UNK: variants seen among roughly 807,000 people sequenced by gnomAD.
UNK encodes the protein RING finger protein unkempt homolog.
Under a neutral mutation model 97.6 loss-of-function variants are expected in UNK, and 32 were observed. That is an observed-to-expected ratio of 0.33 (90% CI 0.25 to 0.44). The LOEUF is 0.44. Ranked by LOEUF, UNK falls within the 20% of genes least tolerant of loss-of-function variation. The pLI is 1.00. For missense variants in UNK, 771 were observed against 1,098.4 expected (o/e 0.70, Z 4.21); for synonymous variants, 441 against 461.2 (o/e 0.96, Z 0.56).
At chr17:75,788,032 GA>G (rs2061729123) in intron 1 of UNK, among the ~76,000 whole-genome samples, 1 of 152,068 alleles carries the variant, frequency 6.6e-6, no homozygotes, top group Non-Finnish European at 1.5e-5. Context: ...GATTTTAAAT[GA>G]AAATTTGAGC....
In UNK at chr17:75,819,197, GGTGCCCGCTTT is replaced by G. The variant is rs1706651355; in HGVS notation, c.1546+387_1546+397del. ...TCCTTTCTTTCAGTACTCATTTCTA[GGTGCCCGCTTT>G]GTGCCAGGTCCTGTGGCAGGCACTG... is the stretch of plus-strand genomic sequence containing the variant. On this transcript the variant is annotated intron_variant, in intron 11 of 15. Coordinates refer to ENST00000589666, the MANE Select transcript of UNK (RefSeq NM_001080419.3). This position sits in a 1 kb window ranked among gnomAD's most constrained non-coding sequence, Gnocchi z 5.4. The G allele has an allele frequency of 4.2e-6, 1 of 238,040 alleles. No individual in the cohort carries two copies. The allele number at this position is 238,040 out of a possible 1,614,324, so 14.7% of individuals were successfully genotyped here.
In UNK at chr17:75,818,915, T is replaced by C; in HGVS notation, c.1546+99T>C. The C allele has an allele frequency of 3.0e-6, 4 of 1,344,240 alleles. No homozygotes were observed. Among genetic ancestry groups the C allele is most frequent in the South Asian group, 1.7e-5 (1 of 60,532 alleles). 83.3% of individuals were successfully genotyped at this position (1,344,240 alleles called of 1,614,324 possible). A position where few individuals can be genotyped will look rare whatever the true frequency, so the allele number is the denominator to read the frequency against. Reference sequence around the variant, plus strand: ...TCTCAAATCAGCACACCAGACCCCTTAGACATCTGTCTTCGGAAAATCAGG... The same window carrying C: ...TCTCAAATCAGCACACCAGACCCCTCAGACATCTGTCTTCGGAAAATCAGG... On this transcript the variant is annotated intron_variant, in intron 11 of 15. Transcript: ENST00000589666. This position sits in a 1 kb window ranked among gnomAD's most constrained non-coding sequence, Gnocchi z 5.1.
At chr17:75,821,714 A>C (rs1311720757) in intron 13 of UNK, 1 of 456,646 alleles carries the variant, frequency 2.2e-6, no homozygotes, top group Admixed American at 2.3e-5. Flanking sequence ...GAGTGAGGCC[A>C]GAGGTGGATA....
At position 75,784,895 on chromosome 17, in the gene UNK, C is replaced by T. The variant is rs886477754; in HGVS notation, c.15C>T (p.Pro5=). The T allele has an allele frequency of 9.5e-6, 15 of 1,581,460 alleles. No individual in the cohort carries two copies. In the African/African-American group the frequency reaches 1.2e-4, roughly 13 times the overall value. Residue 5 remains proline (P), a synonymous_variant, in exon 1 of 16, where the codon CCC becomes CCT. Coordinates refer to ENST00000589666, the MANE Select transcript of UNK (RefSeq NM_001080419.3). ...AAGACAAGACCATGTCGAAGGGCCCCGGGCCCGGCGGCTCCGCAGCTTCCT... is the reference window on the plus strand; with the variant it reads ...AAGACAAGACCATGTCGAAGGGCCCTGGGCCCGGCGGCTCCGCAGCTTCCT... The part of the protein sequence containing the change: MSKG[P]GPGGSAASSA...
At chr17:75,806,299 A>G (rs542089355) in intron 1 of UNK, among the ~76,000 whole-genome samples, 1 of 115,658 alleles carries the variant, frequency 8.6e-6, no homozygotes, top group East Asian at 5.1e-4. Flanking sequence ...CTAAAAATAC[A>G]AAAAAAAAAA....
Position 75,813,070 on chromosome 17 carries a change from C to A in UNK, c.623-8C>A. 1 of 1,583,846 alleles carries A rather than the reference C, an allele frequency of 6.3e-7. No homozygotes were observed. The highest frequency in any genetic ancestry group is 8.6e-7 in the Non-Finnish European group (1 of 1,164,938). On this transcript the variant is annotated splice_region_variant and splice_polypyrimidine_tract_variant and intron_variant, in intron 4 of 15. Transcript: ENST00000589666. ...CACCTGACCCCTGCCCTCTGGCCCCCTGTGCAGAGACTGCTTATGTGCTGG... is the reference window on the plus strand; with the variant it reads ...CACCTGACCCCTGCCCTCTGGCCCCATGTGCAGAGACTGCTTATGTGCTGG...
At chr17:75,813,638 A>C in intron 5 of UNK, 123 bp from the exon 6 acceptor site, 1 of 819,988 alleles carries the variant, frequency 1.2e-6, no homozygotes. Context: ...CAAGGCCCTG[A>C]CTCTGCAGCT....
At chr17:75,814,768 A>G (rs529444190) in intron 6 of UNK, among the ~76,000 whole-genome samples, 3 of 152,320 alleles carry the variant, frequency 2.0e-5, no homozygotes, top group African/African-American at 4.8e-5. Flanking sequence ...GCAGAGTGGA[A>G]GGTTACTTAT....
intron 1 of UNK, 178 bp downstream of exon 1, chr17:75,785,162 A>G (rs544667409): frequency 4.1e-6 from 2 of 484,024 alleles, no homozygotes; most frequent in African/African-American, 4.2e-5. Context: ...ACTGCCACCA[A>G]CCTCTGGTCG....
Position 75,823,286 on chromosome 17 carries a change from G to A in UNK, c.2041G>A (p.Glu681Lys), listed in dbSNP as rs1375893380. The A allele has an allele frequency of 6.2e-7, 1 of 1,603,772 alleles. No homozygotes were observed. Among genetic ancestry groups the A allele is most frequent in the African/African-American group, 1.3e-5 (1 of 74,702 alleles). Residue 681 changes from glutamate (E) to lysine (K), a missense_variant, in exon 15 of 16, where the codon GAG (glutamate) becomes AAG (lysine). By Grantham distance (56) the Glu-to-Lys change is moderately conservative. Transcript: ENST00000589666. ...AKQACDAWKK[E>K]AEEAGERASA... ...ACAGGCTTGTGATGCCTGGAAGAAAGAGGCGGAGGAGGCTGGTGAGCGGGC... is the reference window on the plus strand; with the variant it reads ...ACAGGCTTGTGATGCCTGGAAGAAAAAGGCGGAGGAGGCTGGTGAGCGGGC...
chr17:75,785,076 T>A, intron 1 of UNK, 92 bp downstream of exon 1: 4 of 780,382 alleles, frequency 5.1e-6, no homozygotes, highest in Non-Finnish European at 7.6e-6. Flanking sequence ...CGAGGCGGCC[T>A]CTTCCTCCCC....
At chr17:75,811,753 T>C (rs2061971084) in intron 2 of UNK, among the ~76,000 whole-genome samples, 2 of 151,970 alleles carry the variant, frequency 1.3e-5, no homozygotes, top group South Asian at 2.1e-4. Context: ...CTTTGGGAGG[T>C]TGAGGTGGGC....
At position 75,818,973 on chromosome 17, in the gene UNK, G is replaced by A. The variant is rs1465100611; in HGVS notation, c.1546+157G>A. On this transcript the variant is annotated intron_variant, in intron 11 of 15. Coordinates refer to ENST00000589666, the MANE Select transcript of UNK (RefSeq NM_001080419.3). The surrounding 1 kb of genome is among the most constrained non-coding windows in gnomAD (Gnocchi z 5.1). ...CACTCTGAGTCCTTTGAGCTAAAGGGGAAATGACCCCAAGGTGTAGGGCCA... is the reference window on the plus strand; with the variant it reads ...CACTCTGAGTCCTTTGAGCTAAAGGAGAAATGACCCCAAGGTGTAGGGCCA... 8 of 876,910 alleles carry A rather than the reference G, an allele frequency of 9.1e-6. No individual in the cohort carries two copies. Among genetic ancestry groups the A allele is most frequent in the African/African-American group, 1.7e-5 (1 of 58,192 alleles). 54.3% of individuals were successfully genotyped at this position (876,910 alleles called of 1,614,324 possible). A position where few individuals can be genotyped will look rare whatever the true frequency, so the allele number is the denominator to read the frequency against.
chr17:75,788,182 CTT>C (rs769976770), intron 1 of UNK, among the ~76,000 whole-genome samples: 15 of 141,714 alleles, frequency 1.1e-4, no homozygotes, highest in Non-Finnish European at 9.3e-5. Flanking sequence ...TCAATTTTTT[CTT>C]TTTTTTTTTT....
chr17:75,814,611 A>G (rs1421742861), intron 6 of UNK, among the ~76,000 whole-genome samples: 1 of 151,728 alleles, frequency 6.6e-6, no homozygotes, highest in Non-Finnish European at 1.5e-5. Flanking sequence ...CTCTGGCCCC[A>G]AGAGGTAGCC....
chr17:75,799,971 AAAG>A (rs1323734217), intron 1 of UNK, among the ~76,000 whole-genome samples: 2 of 152,202 alleles, frequency 1.3e-5, no homozygotes, highest in African/African-American at 4.8e-5. Context: ...AGGGGAAAAA[AAAG>A]ACAAAAAAAC....
intron 1 of UNK, among the ~76,000 whole-genome samples, chr17:75,788,961 T>C (rs1443559494): frequency 7.9e-5 from 12 of 152,254 alleles, no homozygotes; most frequent in Admixed American, 7.8e-4. Flanking sequence ...CACAGTTGAA[T>C]ACACTAAAAG....
chr17:75,792,361 T>G (rs1452343537), intron 1 of UNK: 2 of 985,330 alleles, frequency 2.0e-6, no homozygotes, highest in East Asian at 2.3e-4. Context: ...ATGCATCTTC[T>G]CTGTTTTGAG....
chr17:75,806,240 G>A (rs1404209120), intron 1 of UNK, among the ~76,000 whole-genome samples: 1 of 151,998 alleles, frequency 6.6e-6, no homozygotes, highest in Non-Finnish European at 1.5e-5. Flanking sequence ...CGGATCGCAA[G>A]TTCAGGAGAT....
Sources: allele counts gnomAD v4.1 joint callset (sites outside exome capture counted in the v4.1 genomes callset), GRCh38; gene constraint gnomAD v4.1.1; non-coding constraint Gnocchi (gnomAD v3.1); transcripts MANE v1.5; gene names NCBI Gene and HGNC (gene_info 2026-07-23, HGNC 2026-07-21).